Variants in ADGB observed in about 807,000 individuals in gnomAD.
ADGB encodes calpain-7-like protein.
Under a neutral mutation model 210.5 loss-of-function variants are expected in ADGB, and 172 were observed. That is an observed-to-expected ratio of 0.82 (90% CI 0.72 to 0.93). The LOEUF is 0.93. Among genes scored for constraint, ADGB ranks in the 40% least tolerant of loss-of-function variants. The pLI is 0.00. For synonymous variants in ADGB, 658 were observed against 662.7 expected, an observed-to-expected ratio of 0.99 and a Z score of 0.11; for missense variants, 2,025 against 1,964.8, an observed-to-expected ratio of 1.03 and a Z score of -0.58.
chr6:146,602,097 T>C (rs1780564293), intron 1 of ADGB, among the ~76,000 whole-genome samples: 1 of 152,234 alleles, frequency 6.6e-6, no homozygotes, highest in South Asian at 2.1e-4. Flanking sequence ...TTACATTAGA[T>C]TAAACAATTT....
Position 146,733,055 on chromosome 6 carries a change from T to A in ADGB, c.2521-65T>A, listed in dbSNP as rs576576172. The A allele has an allele frequency of 5.2e-5, 63 of 1,219,124 alleles. No individual in the cohort carries two copies. The African/African-American group carries it at 9.1e-4, about 18-fold the overall frequency. The allele number at this position is 1,219,124 out of a possible 1,614,324, so 75.5% of individuals were successfully genotyped here. Reference sequence around the variant, plus strand: ...TTTTATTTTTAGAGTATCTAAAAATTTTTTAGAGCTTCTCTGGCCAGATGA... The same window carrying A: ...TTTTATTTTTAGAGTATCTAAAAATATTTTAGAGCTTCTCTGGCCAGATGA... On this transcript the variant is annotated intron_variant, in intron 20 of 35. Transcript: ENST00000397944.
At chr6:146,697,816 TA>T (rs1776428250) in intron 12 of ADGB, among the ~76,000 whole-genome samples, 2 of 151,992 alleles carry the variant, frequency 1.3e-5, no homozygotes, top group African/African-American at 4.8e-5. Context: ...CTAAGTAATA[TA>T]AATACAAAGA....
At chr6:146,737,339 G>A (rs1777094292) in intron 23 of ADGB, among the ~76,000 whole-genome samples, 2 of 152,152 alleles carry the variant, frequency 1.3e-5, no homozygotes, top group South Asian at 4.1e-4. Context: ...AGTAGAAGAA[G>A]AGTTTAGTGA....
At chr6:146,768,982 G>A in intron 28 of ADGB, 38 bp from the exon 29 acceptor site, 2 of 1,158,202 alleles carry the variant, frequency 1.7e-6, no homozygotes, top group Non-Finnish European at 1.2e-6. Flanking sequence ...TACCATGTAT[G>A]TTCTTATCAT....
intron 7 of ADGB, 39 bp from the exon 8 acceptor site, chr6:146,672,181 A>T: frequency 6.9e-7 from 1 of 1,452,398 alleles, no homozygotes; most frequent in Non-Finnish European, 9.1e-7. Context: ...AAAAAAAAAA[A>T]CATCGTTTGG....
chr6:146,791,921 CTTTTTTT>C (rs66891404), intron 33 of ADGB, among the ~76,000 whole-genome samples: 5 of 112,492 alleles, frequency 4.4e-5, no homozygotes, highest in African/African-American at 6.8e-5. Context: ...CTGCACCTTG[CTTTTTTT>C]TTTTTTTTTT....
chr6:146,617,719 A>C (rs1780824786), intron 1 of ADGB, among the ~76,000 whole-genome samples: 1 of 151,940 alleles, frequency 6.6e-6, no homozygotes, highest in Non-Finnish European at 1.5e-5. Flanking sequence ...TTTCTTCTTG[A>C]TTCCATTGAT....
At chr6:146,631,422 A>G (rs1470837888) in intron 1 of ADGB, among the ~76,000 whole-genome samples, 1 of 152,166 alleles carries the variant, frequency 6.6e-6, no homozygotes, top group East Asian at 1.9e-4. Context: ...AATGTTTATG[A>G]ACCCGAAGCT....
chr6:146,672,464 A>T lies in ADGB; in HGVS notation c.1084A>T (p.Lys362Ter). 1 of 1,540,304 alleles carries T rather than the reference A, an allele frequency of 6.5e-7. No homozygotes were observed. Among genetic ancestry groups the T allele is most frequent in the Non-Finnish European group, 8.7e-7 (1 of 1,143,394 alleles). ...KAPEKSDKVP[K>*]EKADARDIGK... ...TCCTGAGAAAAGCGACAAAGTTCCAAAGGGTAAGATATTTTACATCAAAAT... is the reference window on the plus strand; with the variant it reads ...TCCTGAGAAAAGCGACAAAGTTCCATAGGGTAAGATATTTTACATCAAAAT... Residue 362 changes from lysine (K) to a stop codon, truncating the protein, a stop_gained, in exon 8 of 36, where the codon AAG becomes TAG. Transcript: ENST00000397944. LOFTEE classifies it high-confidence loss of function.
rs1410051768 is a variant in ADGB, at chr6:146,638,962, T to C, written c.237+3425T>C. The C allele has an allele frequency of 3.3e-5, 5 of 152,016 alleles. No homozygotes were observed. The East Asian group carries it at 9.7e-4, about 29-fold the overall frequency. 9.4% of individuals were successfully genotyped at this position (152,016 alleles called of 1,614,324 possible). On this transcript the variant is annotated intron_variant, in intron 2 of 35. Transcript: ENST00000397944. ...CAGATCGTCTTGCCATCCTTGCTGTTGTGCAAGCCTCAAACTTTGCAGTGA... is the reference window on the plus strand; with the variant it reads ...CAGATCGTCTTGCCATCCTTGCTGTCGTGCAAGCCTCAAACTTTGCAGTGA...
intron 25 of ADGB, among the ~76,000 whole-genome samples, chr6:146,742,089 G>C (rs537080958): frequency 1.3e-5 from 2 of 152,074 alleles, no homozygotes; most frequent in African/African-American, 4.8e-5. Flanking sequence ...ATAAATGAAG[G>C]ATACATTTAA....
chr6:146,743,376 A>G (rs1013450193), intron 25 of ADGB, among the ~76,000 whole-genome samples: 1 of 152,170 alleles, frequency 6.6e-6, no homozygotes, highest in African/African-American at 2.4e-5. Flanking sequence ...TACATCTAGC[A>G]TACCTCCTTG....
intron 2 of ADGB, among the ~76,000 whole-genome samples, chr6:146,639,982 T>A (rs1392209955): frequency 4.0e-5 from 6 of 151,868 alleles, no homozygotes; most frequent in Non-Finnish European, 7.4e-5. Flanking sequence ...AGGAGTTGTT[T>A]TTTGAAAAAA....
At chr6:146,800,568 T>G (rs183669098) in intron 33 of ADGB, among the ~76,000 whole-genome samples, 1 of 152,294 alleles carries the variant, frequency 6.6e-6, no homozygotes, top group Admixed American at 6.5e-5. Context: ...CTGGAAATGC[T>G]GAAAAGTTAA....
intron 8 of ADGB, 113 bp downstream of exon 8, chr6:146,672,580 G>A: frequency 7.9e-7 from 1 of 1,258,310 alleles, no homozygotes; most frequent in Non-Finnish European, 1.1e-6. Flanking sequence ...CCCCAAGAGA[G>A]GGTTCTTGGA....
intron 1 of ADGB, among the ~76,000 whole-genome samples, chr6:146,603,272 A>G (rs1468954555): frequency 6.6e-6 from 1 of 152,232 alleles, no homozygotes; most frequent in Non-Finnish European, 1.5e-5. Flanking sequence ...ACAAAGATTC[A>G]TTCACCAATT....
At chr6:146,677,120 G>A (rs535358376) in intron 9 of ADGB, among the ~76,000 whole-genome samples, 26 of 152,084 alleles carry the variant, frequency 1.7e-4, no homozygotes, top group Non-Finnish European at 2.2e-4. Context: ...CTTGGCTACC[G>A]CATTTTTGTC....
At chr6:146,610,509 G>A (rs544812508) in intron 1 of ADGB, among the ~76,000 whole-genome samples, 2 of 152,240 alleles carry the variant, frequency 1.3e-5, no homozygotes, top group South Asian at 2.1e-4. Flanking sequence ...CATTGGGATG[G>A]GGCATTTTTC....
chr6:146,773,742 A>G (rs1423792316), intron 29 of ADGB, among the ~76,000 whole-genome samples: 1 of 151,712 alleles, frequency 6.6e-6, no homozygotes, highest in Non-Finnish European at 1.5e-5. Flanking sequence ...ATCTTCCACC[A>G]TATCATGTAA....
Sources: gnomAD v4.1 joint callset for allele counts (sites outside exome capture counted in the v4.1 genomes callset) on GRCh38, gnomAD v4.1.1 for gene constraint, MANE v1.5 for transcripts, NCBI Gene and HGNC (gene_info 2026-07-23, HGNC 2026-07-21) for gene names.